POLN: variants seen among roughly 807,000 people sequenced by gnomAD.
The protein encoded by POLN is DNA polymerase N.
A neutral mutation model predicts 113.5 loss-of-function variants in POLN; 108 were observed. The ratio of observed to expected loss-of-function variants is 0.95; its 90% CI spans 0.81 to 1.12. The LOEUF (loss-of-function observed/expected upper bound fraction) is 1.12. Ranked by LOEUF, POLN falls within the 50% of genes most tolerant of loss-of-function variation. The pLI, the probability that POLN is intolerant of heterozygous loss-of-function variation, is 0.00. For missense variants in POLN, 1,097 were observed against 1,077.1 expected (o/e 1.02, Z -0.26); for synonymous variants, 386 against 391.5 (o/e 0.99, Z 0.17).
At chr4:2,158,695 G>A (rs889651410) in intron 14 of POLN, among the ~76,000 whole-genome samples, 1 of 152,196 alleles carries the variant, frequency 6.6e-6, no homozygotes, top group Non-Finnish European at 1.5e-5. Context: ...GAAATGGCAG[G>A]TGTGTGAACA....
At chr4:2,191,685 G>T (rs9996701) in intron 7 of POLN, among the ~76,000 whole-genome samples, 37,827 of 151,858 alleles carry the variant, frequency 0.25, 7,320 homozygotes, top group African/African-American at 0.52. Context: ...TTTTGCTTGG[G>T]GGTGGGGAGA....
intron 16 of POLN, among the ~76,000 whole-genome samples, chr4:2,155,701 T>G (rs898152207): frequency 4.6e-5 from 7 of 152,120 alleles, no homozygotes; most frequent in African/African-American, 9.7e-5. Context: ...AGTGTGTACT[T>G]AAATAATTCA....
chr4:2,171,081 C>T lies in POLN; in HGVS notation c.1458+17G>A. The T allele has an allele frequency of 6.3e-7, 1 of 1,595,960 alleles. No homozygotes were observed. ...ATAAGAAATACATTTTATGAAAGAA[C>T]CAAAATTCAGCTTTACCTCTCGAAG... On this transcript the variant is annotated intron_variant, in intron 12 of 25. Coordinates refer to ENST00000511885, the MANE Select transcript of POLN (RefSeq NM_181808.4).
intron 16 of POLN, among the ~76,000 whole-genome samples, chr4:2,147,158 A>G (rs1732164184): frequency 6.6e-6 from 1 of 152,220 alleles, no homozygotes; most frequent in Non-Finnish European, 1.5e-5. Context: ...AAGATCAGAT[A>G]TTTTGAATTA....
chr4:2,152,695 A>G (rs553824164), intron 16 of POLN, among the ~76,000 whole-genome samples: 17 of 152,222 alleles, frequency 1.1e-4, no homozygotes, highest in African/African-American at 3.9e-4. Context: ...TTCAAGTTTT[A>G]TGTGTAAAAA....
intron 19 of POLN, among the ~76,000 whole-genome samples, chr4:2,120,715 G>A (rs535602983): frequency 1.3e-5 from 2 of 152,188 alleles, no homozygotes; most frequent in African/African-American, 2.4e-5. Flanking sequence ...TGCTGGTCTC[G>A]AACTCCTGAC....
intron 23 of POLN, among the ~76,000 whole-genome samples, chr4:2,078,130 G>C (rs1730320016): frequency 6.6e-6 from 1 of 152,256 alleles, no homozygotes; most frequent in Admixed American, 6.5e-5. Context: ...CTCATCCTGA[G>C]TGTGGGCGCA....
intron 19 of POLN, among the ~76,000 whole-genome samples, chr4:2,123,634 A>AG (rs1731504552): frequency 6.6e-6 from 1 of 150,702 alleles, no homozygotes; most frequent in East Asian, 1.9e-4. Context: ...CAAAAAAAAA[A>AG]AAAAAAAAAA....
At chr4:2,157,268 A>G (rs535941621) in intron 15 of POLN, among the ~76,000 whole-genome samples, 1 of 152,198 alleles carries the variant, frequency 6.6e-6, no homozygotes, top group Non-Finnish European at 1.5e-5. Context: ...GAACTAAAAC[A>G]GTAACATCTT....
At chr4:2,176,776 C>T (rs370600562) in intron 8 of POLN, among the ~76,000 whole-genome samples, 20 of 152,138 alleles carry the variant, frequency 1.3e-4, no homozygotes, top group African/African-American at 4.6e-4. Flanking sequence ...CATTCTCACC[C>T]CAGGAGATGC....
At chr4:2,176,988 G>A (rs975356696) in intron 8 of POLN, among the ~76,000 whole-genome samples, 1 of 152,186 alleles carries the variant, frequency 6.6e-6, no homozygotes, top group Non-Finnish European at 1.5e-5. Flanking sequence ...GAAGGCCTGA[G>A]ATTAGAGTGA....
chr4:2,240,126 T>A (rs1306059164), intron 2 of POLN: 9 of 1,613,880 alleles, frequency 5.6e-6, no homozygotes, highest in African/African-American at 1.3e-5. Context: ...AATTAACTGA[T>A]GTTGAGCACA....
chr4:2,150,819 C>T (rs138366807), intron 16 of POLN, among the ~76,000 whole-genome samples: 279 of 152,296 alleles, frequency 1.8e-3, no homozygotes, highest in African/African-American at 6.3e-3. Flanking sequence ...ACTCACTTTA[C>T]ACCATATACA....
rs373929577 is a variant in POLN at position 2,085,643 on chromosome 4, G to A, written c.2167C>T (p.Arg723Ter). The A allele has an allele frequency of 2.7e-5, 43 of 1,613,948 alleles. No homozygotes were observed. The highest frequency in any genetic ancestry group is 1.8e-4 in the East Asian group (8 of 44,902). ...TGGTGACACTGGGCAATAGCTGCTC[G>A]GGCGAAGTCCTTGATTTTCTTGTAC... is the stretch of plus-strand genomic sequence containing the variant. ...QKYKKIKDFA[R>*]AAIAQCHQTG... is the part of the protein sequence containing the mutation. Residue 723 changes from arginine to a stop codon, truncating the protein, a stop_gained, in exon 21 of 26, where the codon CGA becomes TGA. Coordinates refer to ENST00000511885, the MANE Select transcript of POLN (RefSeq NM_181808.4). LOFTEE classifies it high-confidence loss of function.
intron 5 of POLN, among the ~76,000 whole-genome samples, chr4:2,203,970 G>A (rs1228414789): frequency 6.6e-6 from 1 of 151,824 alleles, no homozygotes; most frequent in Non-Finnish European, 1.5e-5. Flanking sequence ...TTAGCCAGGT[G>A]TGGTGGCACA....
At chr4:2,084,949 ATTTATGCC>A (rs561809699) in intron 21 of POLN, among the ~76,000 whole-genome samples, 16 of 152,104 alleles carry the variant, frequency 1.1e-4, no homozygotes, top group Non-Finnish European at 8.8e-5. Flanking sequence ...AACACAACTC[ATTTATGCC>A]CACAACTTTC....
At chr4:2,188,517 C>T (rs569155106) in intron 7 of POLN, among the ~76,000 whole-genome samples, 8 of 152,018 alleles carry the variant, frequency 5.3e-5, no homozygotes, top group Admixed American at 2.0e-4. Context: ...AGGAGAATGG[C>T]GTGAACCTGG....
chr4:2,106,919 TA>T (rs1731079700), intron 19 of POLN, among the ~76,000 whole-genome samples: 1 of 152,146 alleles, frequency 6.6e-6, no homozygotes, highest in Admixed American at 6.6e-5. Context: ...GTCTAGTTAC[TA>T]AAAAAACCTT....
intron 19 of POLN, among the ~76,000 whole-genome samples, chr4:2,104,975 T>A (rs1241839004): frequency 6.6e-6 from 1 of 152,194 alleles, no homozygotes; most frequent in Non-Finnish European, 1.5e-5. Context: ...CACAGTCACA[T>A]GCAGCCCAAG....
Sources: gnomAD v4.1 joint callset for allele counts (sites outside exome capture counted in the v4.1 genomes callset) on GRCh38, gnomAD v4.1.1 for gene constraint, MANE v1.5 for transcripts, NCBI Gene and HGNC (gene_info 2026-07-23, HGNC 2026-07-21) for gene names.